CDK13: variants seen among roughly 807,000 people sequenced by gnomAD.
The protein encoded by CDK13 is cyclin dependent kinase 13, also known as cyclin-dependent kinase 13.
CDK13 carries 40 observed loss-of-function variants against 137.6 expected under a neutral mutation model. The ratio of observed to expected loss-of-function variants is 0.29; its 90% CI spans 0.23 to 0.38. The LOEUF (loss-of-function observed/expected upper bound fraction) is 0.38. Ranked by LOEUF, CDK13 falls within the 10% of genes least tolerant of loss-of-function variation. The pLI is 1.00. For synonymous variants in CDK13, 869 were observed against 760.1 expected (o/e 1.14, Z -2.36); for missense variants, 1,704 against 1,951.8 (o/e 0.87, Z 2.39).
At chr7:40,062,724 G>GTTAGGA (rs1415674775) in intron 7 of CDK13, 102 bp from the exon 8 acceptor site, 15 of 816,314 alleles carry the variant, frequency 1.8e-5, no homozygotes, top group Non-Finnish European at 2.6e-5. Flanking sequence ...AGTGTTTTTA[G>GTTAGGA]TTAGGATTAT....
intron 5 of CDK13, among the ~76,000 whole-genome samples, chr7:40,006,541 T>G (rs922903307): frequency 1.3e-5 from 2 of 152,192 alleles, no homozygotes; most frequent in Non-Finnish European, 2.9e-5. Context: ...AGGCTGAGTG[T>G]GGTGGCTAAC....
chr7:39,983,676 G>C (rs1784276518), intron 1 of CDK13, among the ~76,000 whole-genome samples: 1 of 152,140 alleles, frequency 6.6e-6, no homozygotes, highest in Non-Finnish European at 1.5e-5. Context: ...TTCTTCTGCT[G>C]CTTACCTTTC....
chr7:39,957,482 G>C (rs1340647493), intron 1 of CDK13, among the ~76,000 whole-genome samples: 1 of 152,062 alleles, frequency 6.6e-6, no homozygotes, highest in Non-Finnish European at 1.5e-5. Context: ...TTTCTCTACA[G>C]ATTAGTGCAA....
At chr7:40,015,792 A>G (rs1165678916) in intron 5 of CDK13, among the ~76,000 whole-genome samples, 2 of 152,168 alleles carry the variant, frequency 1.3e-5, no homozygotes, top group Non-Finnish European at 2.9e-5. Flanking sequence ...GCAGTCTCTA[A>G]TTGTGAAGAG....
chr7:40,071,887 T>C (rs1272113862), intron 9 of CDK13: 1 of 152,168 alleles, frequency 6.6e-6, no homozygotes, highest in Non-Finnish European at 1.5e-5. Context: ...GTCTGGAAAA[T>C]ACCCAAGTTT....
At position 39,951,406 on chromosome 7, in the gene CDK13, C is replaced by T. The variant is rs1787188556; in HGVS notation, c.765C>T (p.Gly255=). 3.9e-6 allele frequency: 6 copies of T among 1,523,370 alleles called. No homozygotes were observed. Among genetic ancestry groups the T allele is most frequent in the Non-Finnish European group, 5.3e-6 (6 of 1,137,984 alleles). 94.4% of individuals were successfully genotyped at this position (1,523,370 alleles called of 1,614,324 possible). The change falls in exon 1 of 14, where the codon GGC becomes GGT. Residue 255 remains glycine (G), a synonymous_variant. Transcript: ENST00000181839. ...VAKSGSSSSS[G]GRRKSASATS... ...AGAGCGGCAGCAGCAGCAGCAGCGG[C>T]GGCCGCCGGAAAAGCGCTTCGGCCA...
At chr7:39,983,299 T>C (rs1248059776) in intron 1 of CDK13, among the ~76,000 whole-genome samples, 1 of 152,188 alleles carries the variant, frequency 6.6e-6, no homozygotes, top group Non-Finnish European at 1.5e-5. Flanking sequence ...TTGCTTGTTT[T>C]TTCAGTAGAG....
In CDK13 at chr7:40,065,574, C is replaced by T. The variant is rs981965884; in HGVS notation, c.2780+2474C>T. 2.0e-5 allele frequency among the ~76,000 whole-genome samples: 3 copies of T among 152,044 alleles called. No individual in the cohort carries two copies. In the South Asian group the frequency reaches 6.2e-4, roughly 32 times the overall value. On this transcript the variant is annotated intron_variant, in intron 9 of 13. Coordinates refer to ENST00000181839, the MANE Select transcript of CDK13 (RefSeq NM_003718.5). ...TGGGTTGCATGCAGCCCATGGACTG[C>T]AAGTTGGACAAGCTTGCTTTAGAAC...
At chr7:39,965,000 A>G (rs1039776317) in intron 1 of CDK13, among the ~76,000 whole-genome samples, 27 of 152,004 alleles carry the variant, frequency 1.8e-4, no homozygotes, top group Middle Eastern at 3.4e-3. Flanking sequence ...AGTTTGTTAT[A>G]ATTTCTGTTC....
At chr7:39,995,828 T>C (rs964542155) in intron 2 of CDK13, among the ~76,000 whole-genome samples, 14 of 152,022 alleles carry the variant, frequency 9.2e-5, no homozygotes, top group Non-Finnish European at 1.6e-4. Context: ...GCCAACATGG[T>C]GAAACCCCAT....
chr7:40,024,098 A>G (rs1339376083), intron 5 of CDK13, among the ~76,000 whole-genome samples: 1 of 152,138 alleles, frequency 6.6e-6, no homozygotes, highest in Non-Finnish European at 1.5e-5. Context: ...CATTTATCTC[A>G]GAGGAAGTAA....
intron 7 of CDK13, chr7:40,062,506 T>C: frequency 4.3e-6 from 1 of 235,012 alleles, no homozygotes; most frequent in South Asian, 5.5e-5. Context: ...GGTCTCGATC[T>C]CCTGACCTCG....
intron 1 of CDK13, 106 bp from the exon 2 acceptor site, chr7:39,987,493 A>T: frequency 1.1e-6 from 1 of 943,280 alleles, no homozygotes; most frequent in Non-Finnish European, 1.5e-6. Flanking sequence ...CTTTGAAATT[A>T]AGTAAATTTC....
chr7:40,041,255 GGCGGAGGTTGCA>G (rs1334854244), intron 5 of CDK13, among the ~76,000 whole-genome samples: 1 of 152,138 alleles, frequency 6.6e-6, no homozygotes, highest in Non-Finnish European at 1.5e-5. Context: ...GAACCCAGGA[GGCGGAGGTTGCA>G]GTGAGCCAAG....
intron 9 of CDK13, among the ~76,000 whole-genome samples, chr7:40,075,078 G>T (rs1786516155): frequency 6.6e-6 from 1 of 152,026 alleles, no homozygotes; most frequent in Non-Finnish European, 1.5e-5. Context: ...ATTTTGAGGA[G>T]AATAAGTAAA....
intron 7 of CDK13, among the ~76,000 whole-genome samples, chr7:40,050,594 T>C (rs1319352107): frequency 2.0e-5 from 3 of 152,240 alleles, no homozygotes; most frequent in Non-Finnish European, 4.4e-5. Context: ...GATTTCGCCA[T>C]GTTGGCCAGG....
At chr7:40,011,390 C>T (rs1430270279) in intron 5 of CDK13, among the ~76,000 whole-genome samples, 1 of 152,122 alleles carries the variant, frequency 6.6e-6, no homozygotes, top group African/African-American at 2.4e-5. Context: ...CAAAATCTTC[C>T]TACAAAGCTA....
chr7:40,059,637 A>G (rs948862497), intron 7 of CDK13, among the ~76,000 whole-genome samples: 10 of 152,180 alleles, frequency 6.6e-5, no homozygotes. Context: ...GATTACAGGC[A>G]TGAGCCACTG....
chr7:39,982,957 G>T (rs1217577754), intron 1 of CDK13, among the ~76,000 whole-genome samples: 1 of 152,112 alleles, frequency 6.6e-6, no homozygotes, highest in Non-Finnish European at 1.5e-5. Context: ...TTTCTCCCAT[G>T]TTGTAGGTTG....
Sources: allele counts gnomAD v4.1 joint callset (sites outside exome capture counted in the v4.1 genomes callset), GRCh38; gene constraint gnomAD v4.1.1; transcripts MANE v1.5; gene names NCBI Gene and HGNC (gene_info 2026-07-23, HGNC 2026-07-21).